ASTN2: variants seen among roughly 807,000 people sequenced by gnomAD.
ASTN2 encodes astrotactin 2.
A neutral mutation model predicts 139.8 loss-of-function variants in ASTN2; 54 were observed. The observed-to-expected ratio is 0.39, with a 90% CI of 0.31 to 0.48. ASTN2 has a LOEUF of 0.48. Ranked by LOEUF, ASTN2 falls within the 20% of genes least tolerant of loss-of-function variation. ASTN2 has a pLI of 0.95. For missense variants in ASTN2, 1,565 were observed against 1,725.1 expected (o/e 0.91, Z 1.64); for synonymous variants, 756 against 719.5 (o/e 1.05, Z -0.81).
chr9:116,500,779 G>A (rs1849827600), intron 19 of ASTN2, among the ~76,000 whole-genome samples: 1 of 152,202 alleles, frequency 6.6e-6, no homozygotes, highest in Non-Finnish European at 1.5e-5. Context: ...TTTAGATAGT[G>A]TATGGGAAGC....
intron 4 of ASTN2, among the ~76,000 whole-genome samples, chr9:117,096,522 G>A (rs949587960): frequency 2.0e-5 from 3 of 152,174 alleles, no homozygotes; most frequent in Non-Finnish European, 4.4e-5. Flanking sequence ...GATAGCTATT[G>A]TTGCTTTTGG....
At chr9:116,780,013 T>C (rs1321460973) in intron 13 of ASTN2, among the ~76,000 whole-genome samples, 1 of 152,204 alleles carries the variant, frequency 6.6e-6, no homozygotes, top group Non-Finnish European at 1.5e-5. Context: ...CATTCACACA[T>C]CAATTCTCTC....
At chr9:117,295,357 G>A (rs962202795) in intron 1 of ASTN2, among the ~76,000 whole-genome samples, 5 of 152,066 alleles carry the variant, frequency 3.3e-5, no homozygotes, top group African/African-American at 7.2e-5. Flanking sequence ...AAGAAAGAAC[G>A]AAAGAAAGAA....
chr9:117,209,841 A>C (rs1031159687), intron 3 of ASTN2, among the ~76,000 whole-genome samples: 3 of 152,186 alleles, frequency 2.0e-5, no homozygotes, highest in Non-Finnish European at 2.9e-5. Context: ...AAAACACTGA[A>C]ATTGTATCAA....
intron 16 of ASTN2, among the ~76,000 whole-genome samples, chr9:116,681,082 T>C (rs1422218786): frequency 1.1e-4 from 17 of 152,192 alleles, no homozygotes; most frequent in Non-Finnish European, 4.4e-5. Flanking sequence ...GGAAGTCAAA[T>C]TGCCCCTAGT....
chr9:117,389,155 A>G (rs555891621), intron 1 of ASTN2, among the ~76,000 whole-genome samples: 108 of 152,300 alleles, frequency 7.1e-4, no homozygotes, highest in African/African-American at 2.4e-3. Context: ...TTTGCTCACA[A>G]TCCAAGCAGG....
intron 19 of ASTN2, among the ~76,000 whole-genome samples, chr9:116,579,469 C>G (rs1296559614): frequency 2.0e-5 from 3 of 152,188 alleles, no homozygotes; most frequent in Non-Finnish European, 4.4e-5. Context: ...AAACACCACC[C>G]CTCCGAAGCC....
intron 19 of ASTN2, among the ~76,000 whole-genome samples, chr9:116,511,697 T>C (rs1850389631): frequency 6.6e-6 from 1 of 152,208 alleles, no homozygotes; most frequent in Admixed American, 6.5e-5. Flanking sequence ...GATTGGTCTA[T>C]TCAGAGATTC....
In ASTN2 at chr9:116,490,465, T is replaced by C. The variant is rs117572367; in HGVS notation, c.3356-2965A>G. On this transcript the variant is annotated intron_variant, in intron 19 of 22. Coordinates refer to ENST00000313400, the MANE Select transcript of ASTN2 (RefSeq NM_001365068.1). ...GGGTCCATGTCTGTCTGCTTTTCAA[T>C]TTGTTTCCAGATAGCCAATGAGAGA... Among the ~76,000 whole-genome samples the C allele has an allele frequency of 4.2e-4, 64 of 152,156 alleles. No homozygotes were observed. The East Asian group carries it at 0.012, about 28-fold the overall frequency.
At chr9:116,604,420 T>C (rs551808969) in intron 19 of ASTN2, among the ~76,000 whole-genome samples, 1 of 152,284 alleles carries the variant, frequency 6.6e-6, no homozygotes, top group South Asian at 2.1e-4. Context: ...CATGTGGGTT[T>C]ATACCTCACC....
At chr9:116,703,678 T>A (rs1247083118) in intron 16 of ASTN2, among the ~76,000 whole-genome samples, 1 of 150,826 alleles carries the variant, frequency 6.6e-6, no homozygotes, top group African/African-American at 2.4e-5. Context: ...TATACGTATG[T>A]AACTAACCTG....
At chr9:117,256,793 T>C (rs1458426449) in intron 2 of ASTN2, among the ~76,000 whole-genome samples, 1 of 152,240 alleles carries the variant, frequency 6.6e-6, no homozygotes, top group African/African-American at 2.4e-5. Flanking sequence ...AAATTAGTTT[T>C]TCATTCAACA....
At chr9:116,891,608 G>C (rs1404141342) in intron 10 of ASTN2, among the ~76,000 whole-genome samples, 2 of 152,228 alleles carry the variant, frequency 1.3e-5, no homozygotes, top group Non-Finnish European at 2.9e-5. Flanking sequence ...ACAGATGCAG[G>C]CAGGCTCTAT....
rs10983172 is a variant in ASTN2, at chr9:116,460,334, T to C, written c.3498-17781A>G. Among the ~76,000 whole-genome samples, 1,973 of 152,278 alleles carry C rather than the reference T, an allele frequency of 0.013. 181 individuals are homozygous for C. In the South Asian group the frequency reaches 0.21, roughly 16 times the overall value. On this transcript the variant is annotated intron_variant, in intron 20 of 22. Coordinates refer to ENST00000313400, the MANE Select transcript of ASTN2 (RefSeq NM_001365068.1). ...GTTCTGGAATTACTTGTGATGGTTG[T>C]GCAACTTTGTTAATATCTATAACAT...
chr9:116,723,204 G>A (rs1286722239), intron 16 of ASTN2, among the ~76,000 whole-genome samples: 2 of 152,044 alleles, frequency 1.3e-5, no homozygotes, highest in Non-Finnish European at 2.9e-5. Flanking sequence ...CATTAGCAAG[G>A]TATGGAGCTG....
chr9:116,598,606 G>A (rs1024567423), intron 19 of ASTN2, among the ~76,000 whole-genome samples: 1 of 152,198 alleles, frequency 6.6e-6, no homozygotes, highest in Non-Finnish European at 1.5e-5. Flanking sequence ...CTACTTCTGA[G>A]TCTCAGTTTT....
intron 5 of ASTN2, among the ~76,000 whole-genome samples, chr9:117,085,785 T>C (rs150794845): frequency 1.2e-3 from 183 of 152,302 alleles, no homozygotes; most frequent in African/African-American, 4.2e-3. Context: ...GACACAGACA[T>C]GGGTATCCTC....
At chr9:117,071,341 A>G (rs1828119455) in intron 5 of ASTN2, among the ~76,000 whole-genome samples, 1 of 151,648 alleles carries the variant, frequency 6.6e-6, no homozygotes, top group African/African-American at 2.4e-5. Context: ...GGGGTCAGGG[A>G]CCCACTTGAA....
intron 2 of ASTN2, among the ~76,000 whole-genome samples, chr9:117,274,712 C>T (rs1238942246): frequency 6.6e-6 from 1 of 152,220 alleles, no homozygotes; most frequent in Non-Finnish European, 1.5e-5. Context: ...ATCAAGGCCT[C>T]ACTCCATCAC....
Sources: gnomAD v4.1 joint callset for allele counts (sites outside exome capture counted in the v4.1 genomes callset) on GRCh38, gnomAD v4.1.1 for gene constraint, MANE v1.5 for transcripts, NCBI Gene and HGNC (gene_info 2026-07-23, HGNC 2026-07-21) for gene names.